NBEA: variants seen among roughly 807,000 people sequenced by gnomAD.
The protein encoded by NBEA is neurobeachin.
A neutral mutation model predicts 343.4 loss-of-function variants in NBEA; 44 were observed. The observed-to-expected ratio is 0.13, with a 90% CI of 0.10 to 0.16. NBEA has a LOEUF of 0.16. Ranked by LOEUF, NBEA falls within the 10% of genes least tolerant of loss-of-function variation. The pLI is 1.00. For missense variants in NBEA, 2,555 were observed against 3,631.3 expected (o/e 0.70, Z 7.62); for synonymous variants, 1,175 against 1,238.7 (o/e 0.95, Z 1.08).
intron 41 of NBEA, among the ~76,000 whole-genome samples, chr13:35,521,521 A>G (rs187296527): frequency 4.0e-4 from 61 of 152,322 alleles, no homozygotes; most frequent in African/African-American, 1.4e-3. Context: ...AGGATTGGAA[A>G]GCCATTTGTC....
intron 1 of NBEA, among the ~76,000 whole-genome samples, chr13:34,966,605 A>G (rs772015397): frequency 5.5e-5 from 8 of 146,400 alleles, no homozygotes; most frequent in South Asian, 2.1e-4. Flanking sequence ...ACTATGTTAC[A>G]TATCTCTGAG....
chr13:35,612,420 C>T (rs533526033), intron 48 of NBEA, among the ~76,000 whole-genome samples: 3 of 152,178 alleles, frequency 2.0e-5, no homozygotes, highest in East Asian at 3.9e-4. Flanking sequence ...GCGTGAGCCA[C>T]GGCGCCTGGC....
chr13:35,220,401 T>C (rs1390378905), intron 33 of NBEA, among the ~76,000 whole-genome samples: 2 of 152,196 alleles, frequency 1.3e-5, no homozygotes, highest in Admixed American at 6.5e-5. Flanking sequence ...CAGGTTTGCC[T>C]GTCATGAATT....
chr13:35,139,830 C>T (rs1253770464), intron 17 of NBEA, among the ~76,000 whole-genome samples: 1 of 130,042 alleles, frequency 7.7e-6, no homozygotes, highest in Admixed American at 9.0e-5. Context: ...AAGAAAACTA[C>T]AGGAGGAAGT....
At chr13:35,635,542 T>G (rs751122637) in intron 49 of NBEA, among the ~76,000 whole-genome samples, 1 of 152,204 alleles carries the variant, frequency 6.6e-6, no homozygotes, top group African/African-American at 2.4e-5. Flanking sequence ...CCCTACATTT[T>G]AATTAGTGGA....
chr13:35,229,414 G>A (rs544427142), intron 33 of NBEA, among the ~76,000 whole-genome samples: 2 of 152,116 alleles, frequency 1.3e-5, no homozygotes, highest in Non-Finnish European at 2.9e-5. Context: ...CCTAAAGTCA[G>A]TATATTATGC....
chr13:35,013,724 C>T (rs1170286732), intron 1 of NBEA, among the ~76,000 whole-genome samples: 1 of 152,176 alleles, frequency 6.6e-6, no homozygotes, highest in East Asian at 1.9e-4. Flanking sequence ...CTGCCTTGCC[C>T]TCCCAAAGTG....
intron 11 of NBEA, among the ~76,000 whole-genome samples, chr13:35,102,981 C>T (rs2065723184): frequency 6.6e-6 from 1 of 151,684 alleles, no homozygotes; most frequent in African/African-American, 2.4e-5. Context: ...TTAATAATTA[C>T]ACTAAGTATG....
intron 16 of NBEA, among the ~76,000 whole-genome samples, chr13:35,119,094 A>C (rs945769604): frequency 6.6e-6 from 1 of 152,216 alleles, no homozygotes; most frequent in African/African-American, 2.4e-5. Context: ...ATGTTTTGGA[A>C]TAACAGGCCA....
chr13:35,171,848 A>G (rs2070485763), intron 26 of NBEA, among the ~76,000 whole-genome samples: 1 of 152,056 alleles, frequency 6.6e-6, no homozygotes, highest in African/African-American at 2.4e-5. Flanking sequence ...ACATAATGCT[A>G]GAAGGTTAAA....
chr13:35,456,188 A>C (rs756917655), intron 40 of NBEA, among the ~76,000 whole-genome samples: 25 of 151,964 alleles, frequency 1.6e-4, no homozygotes, highest in Non-Finnish European at 2.8e-4. Context: ...GGAGTTTTCT[A>C]GTTTTAATAA....
Position 35,481,504 on chromosome 13 carries a change from T to C in NBEA, c.6585+8968T>C, listed in dbSNP as rs530652708. Among the ~76,000 whole-genome samples, 40 of 151,996 alleles carry C rather than the reference T, an allele frequency of 2.6e-4. 1 individual carries two copies. Among genetic ancestry groups the C allele is most frequent in the Admixed American group, 8.5e-4 (13 of 15,278 alleles). ...GGTTATCAACCTAAAGAATTTTTTA[T>C]TGTTCAGCATAAATTGTGATCTCTA... is the stretch of plus-strand genomic sequence containing the variant. On this transcript the variant is annotated intron_variant, in intron 41 of 58. Coordinates refer to ENST00000379939, the MANE Select transcript of NBEA (RefSeq NM_001385012.1).
rs202237307 is a variant in NBEA at position 35,458,162 on chromosome 13, A to G, written c.6448+5927A>G. On this transcript the variant is annotated intron_variant, in intron 40 of 58. Transcript: ENST00000379939. Reference sequence around the variant, plus strand: ...GACTATTTACCGAAGAGGCTGCACCATTTTGAATTCTCATCAGCGGCATGT... The same window carrying G: ...GACTATTTACCGAAGAGGCTGCACCGTTTTGAATTCTCATCAGCGGCATGT... 9.8e-5 allele frequency among the ~76,000 whole-genome samples: 15 copies of G among 152,322 alleles called. No homozygotes were observed. In the East Asian group the frequency reaches 2.9e-3, roughly 29 times the overall value.
intron 36 of NBEA, among the ~76,000 whole-genome samples, chr13:35,339,335 G>T (rs1331331169): frequency 1.3e-5 from 2 of 150,928 alleles, no homozygotes; most frequent in Non-Finnish European, 2.9e-5. Context: ...AATATACAAA[G>T]ATCAATTGCA....
At chr13:35,602,525 G>A (rs986398104) in intron 47 of NBEA, among the ~76,000 whole-genome samples, 5 of 152,192 alleles carry the variant, frequency 3.3e-5, no homozygotes, top group Admixed American at 6.5e-5. Flanking sequence ...CAAACAAGCT[G>A]TGCTTCAGAA....
At chr13:35,103,831 C>G (rs1385499623) in intron 11 of NBEA, among the ~76,000 whole-genome samples, 1 of 151,800 alleles carries the variant, frequency 6.6e-6, no homozygotes, top group Non-Finnish European at 1.5e-5. Context: ...CAAAATGTAT[C>G]CAGAATCAAT....
intron 41 of NBEA, among the ~76,000 whole-genome samples, chr13:35,527,466 G>A (rs2078033921): frequency 6.6e-6 from 1 of 152,202 alleles, no homozygotes; most frequent in Non-Finnish European, 1.5e-5. Context: ...TATGCTGAGA[G>A]GTGCCTGCAG....
intron 36 of NBEA, among the ~76,000 whole-genome samples, chr13:35,337,248 C>T (rs1405961308): frequency 6.6e-6 from 1 of 151,982 alleles, no homozygotes; most frequent in African/African-American, 2.4e-5. Context: ...AAAAAGGATT[C>T]AACTGTAAGC....
intron 1 of NBEA, among the ~76,000 whole-genome samples, chr13:35,018,361 T>C (rs1185259841): frequency 1.3e-5 from 2 of 152,180 alleles, no homozygotes; most frequent in Non-Finnish European, 2.9e-5. Flanking sequence ...TACTTAAATA[T>C]GGTAAATGTC....
Sources: gnomAD v4.1 joint callset for allele counts (sites outside exome capture counted in the v4.1 genomes callset) on GRCh38, gnomAD v4.1.1 for gene constraint, MANE v1.5 for transcripts, NCBI Gene and HGNC (gene_info 2026-07-23, HGNC 2026-07-21) for gene names.